Variants in ARHGAP11B observed in about 807,000 individuals in gnomAD.
ARHGAP11B encodes the protein Rho GTPase activating protein 11B, also known as inactive Rho GTPase-activating protein 11B.
ARHGAP11B carries 14 observed loss-of-function variants against 27.6 expected under a neutral mutation model. The observed-to-expected ratio is 0.51, with a 90% CI of 0.34 to 0.79. The LOEUF is 0.79. Among genes scored for constraint, ARHGAP11B ranks in the 30% least tolerant of loss-of-function variants. The probability of loss-of-function intolerance (pLI) is 0.02; values close to 1 mark genes in which losing one functional copy is unlikely to be tolerated. For missense variants in ARHGAP11B, 245 were observed against 320.1 expected (o/e 0.77, Z 1.79); for synonymous variants, 82 against 114.1 (o/e 0.72, Z 1.80).
chr15:30,639,254 T>G (rs1241835608), intron 7 of ARHGAP11B, among the ~76,000 whole-genome samples: 3 of 152,142 alleles, frequency 2.0e-5, no homozygotes, highest in Admixed American at 2.0e-4. Flanking sequence ...ATGAACTGGT[T>G]AATACTCACT....
At chr15:30,627,715 A>G (rs2140887297) in intron 1 of ARHGAP11B, among the ~76,000 whole-genome samples, 1 of 152,148 alleles carries the variant, frequency 6.6e-6, no homozygotes, top group Admixed American at 6.6e-5. Context: ...AATAAGCTGA[A>G]TGTAAAGCAT....
In ARHGAP11B at chr15:30,634,974, T is replaced by A. The variant is rs1280427984; in HGVS notation, c.552-106T>A. The A allele has an allele frequency of 4.0e-6, 5 of 1,253,684 alleles. No individual in the cohort carries two copies. The Admixed American group carries it at 1.0e-4, about 26-fold the overall frequency. 77.7% of individuals were successfully genotyped at this position (1,253,684 alleles called of 1,614,324 possible). ...TAGATGAAGGGTAACTATTTTGACT[T>A]GTGTATGACTGATAATAAAGTCTTC... is the stretch of plus-strand genomic sequence containing the variant. On this transcript the variant is annotated intron_variant, in intron 4 of 10. Coordinates refer to ENST00000428041, the Ensembl canonical transcript of ARHGAP11B.
At chr15:30,636,560 A>C (rs1302046977) in intron 6 of ARHGAP11B, among the ~76,000 whole-genome samples, 1 of 151,846 alleles carries the variant, frequency 6.6e-6, no homozygotes, top group Non-Finnish European at 1.5e-5. Context: ...TTTCTTCTTT[A>C]CCTCCTTTGT....
chr15:30,636,901 T>C lies in ARHGAP11B; in HGVS notation c.*3+1268T>C, dbSNP rs983050726. Among the ~76,000 whole-genome samples the C allele has an allele frequency of 2.6e-5, 4 of 151,928 alleles. 1 individual carries two copies. The highest frequency in any genetic ancestry group is 7.2e-5 in the African/African-American group (3 of 41,384). On this transcript the variant is annotated intron_variant, in intron 6 of 10. Transcript: ENST00000428041. ...TGGATTAGGGCCCACCCAAATGACC[T>C]CATTTTAACTCGAGTACATCTGTAA...
exon 4 of ARHGAP11B, chr15:30,634,304 T>C: frequency 6.2e-7 from 1 of 1,613,356 alleles, no homozygotes; most frequent in Non-Finnish European, 8.5e-7. Flanking sequence ...TTTTGAAAGC[T>C]CAACAGTTAG....
chr15:30,626,566 G>A (rs1461616958), exon 1 of ARHGAP11B: 1 of 526,264 alleles, frequency 1.9e-6, no homozygotes, highest in East Asian at 3.2e-5. Flanking sequence ...CAGAAAGAAG[G>A]TCGCTGTAAG....
At chr15:30,632,286 T>C (rs930770727) in intron 2 of ARHGAP11B, among the ~76,000 whole-genome samples, 32 of 134,446 alleles carry the variant, frequency 2.4e-4, no homozygotes, top group African/African-American at 9.1e-4. Context: ...CTGGGCGTAG[T>C]GATGTGTGCC....
chr15:30,634,301 A>G (rs1366484303), exon 4 of ARHGAP11B: 1 of 1,613,418 alleles, frequency 6.2e-7, no homozygotes, highest in Admixed American at 1.7e-5. Flanking sequence ...CACTTTTGAA[A>G]GCTCAACAGT....
chr15:30,646,291 C>T (rs965284361), exon 9 of ARHGAP11B: 23 of 928,788 alleles, frequency 2.5e-5, no homozygotes, highest in Admixed American at 4.0e-5. Context: ...CTCCTTTCCC[C>T]GCTGGTAGGC....
intron 7 of ARHGAP11B, among the ~76,000 whole-genome samples, chr15:30,642,877 G>A (rs1477353716): frequency 1.3e-5 from 2 of 152,052 alleles, no homozygotes. Context: ...TTTGACACTT[G>A]AAGTTTCTAA....
At chr15:30,627,982 T>TA (rs772929346) in intron 1 of ARHGAP11B, among the ~76,000 whole-genome samples, 24 of 151,876 alleles carry the variant, frequency 1.6e-4, no homozygotes, top group Admixed American at 7.2e-4. Context: ...TTTCTGATTG[T>TA]AAAACTGGCT....
At chr15:30,633,386 T>C in intron 2 of ARHGAP11B, 104 bp from the exon 3 acceptor site, 2 of 948,152 alleles carry the variant, frequency 2.1e-6, no homozygotes, top group Non-Finnish European at 3.0e-6. Flanking sequence ...TTTGTGGCTT[T>C]AGAGCCTCTG....
At chr15:30,632,533 A>C (rs1007181321) in intron 2 of ARHGAP11B, among the ~76,000 whole-genome samples, 8 of 151,888 alleles carry the variant, frequency 5.3e-5, no homozygotes, top group South Asian at 2.1e-4. Context: ...TATTTAATTA[A>C]AAAGACTGTT....
rs71103435 is a variant in ARHGAP11B at position 30,639,971 on chromosome 15, AGTGTGTGTGTGTGTGTGT to A, written c.*78+1176_*78+1193del. ...TAAAATAGACAGTGTTTCAATATAG[AGTGTGTGTGTGTGTGTGT>A]GTGTGTGTGTGTGTGTGTGTGTGTT... On this transcript the variant is annotated intron_variant, in intron 7 of 10. Coordinates refer to ENST00000428041, the Ensembl canonical transcript of ARHGAP11B. Among the ~76,000 whole-genome samples the A allele has an allele frequency of 4.5e-3, 639 of 143,208 alleles. 3 individuals carry two copies. Among genetic ancestry groups the A allele is most frequent in the African/African-American group, 0.015 (581 of 38,764 alleles). 94.0% of individuals were successfully genotyped at this position (143,208 alleles called of 152,430 possible). A position where few individuals can be genotyped will look rare whatever the true frequency, so the allele number is the denominator to read the frequency against.
chr15:30,635,221 T>A (rs2060271973), intron 5 of ARHGAP11B, 33 bp downstream of exon 5: 1 of 1,607,862 alleles, frequency 6.2e-7, no homozygotes, highest in African/African-American at 1.3e-5. Flanking sequence ...TACAGACTCT[T>A]ATCGATTATG....
At position 30,646,152 on chromosome 15, in the gene ARHGAP11B, G is replaced by T. The variant is rs943860074; in HGVS notation, c.*181G>T. ...ATTTCTGAAAGACCAAGATTGGAAT[G>T]ACTTTTTGTAACAAGTGTGCTCGCA... is the stretch of plus-strand genomic sequence containing the variant. On this transcript the variant is annotated 3_prime_UTR_variant, in exon 9 of 11. Transcript: ENST00000428041. The T allele has an allele frequency of 4.2e-4, 444 of 1,057,768 alleles. 4 individuals carry two copies. Among genetic ancestry groups the T allele is most frequent in the Non-Finnish European group, 5.0e-4 (430 of 863,498 alleles). The allele number at this position is 1,057,768 out of a possible 1,614,324, so 65.5% of individuals were successfully genotyped here.
chr15:30,644,538 T>A, intron 7 of ARHGAP11B: 1 of 664,562 alleles, frequency 1.5e-6, no homozygotes, highest in Non-Finnish European at 2.6e-6. Flanking sequence ...TACACATTCT[T>A]TTTTTGTCCT....
intron 5 of ARHGAP11B, 45 bp from the exon 6 acceptor site, chr15:30,635,442 G>A: frequency 3.1e-6 from 5 of 1,591,570 alleles, no homozygotes; most frequent in Non-Finnish European, 4.3e-6. Context: ...GGGGAAGAGT[G>A]GAGGAAGGAT....
chr15:30,645,553 A>G (rs1860345739), intron 8 of ARHGAP11B, among the ~76,000 whole-genome samples: 1 of 152,026 alleles, frequency 6.6e-6, no homozygotes, highest in African/African-American at 2.4e-5. Flanking sequence ...AGGAAATTAT[A>G]TTTACAATTT....
Sources: allele counts gnomAD v4.1 joint callset (sites outside exome capture counted in the v4.1 genomes callset), GRCh38; gene constraint gnomAD v4.1.1; transcripts MANE v1.5; gene names NCBI Gene and HGNC (gene_info 2026-07-23, HGNC 2026-07-21).